The following AGO2 variants were observed in gnomAD, a reference collection of about 807,000 sequenced individuals.
AGO2 encodes the protein argonaute RISC catalytic component 2, also known as protein argonaute-2.
A neutral mutation model predicts 102.3 loss-of-function variants in AGO2; 5 were observed. The ratio of observed to expected loss-of-function variants is 0.05; its 90% CI spans 0.03 to 0.10. AGO2 has a LOEUF of 0.10. Ranked by LOEUF, AGO2 falls within the 10% of genes least tolerant of loss-of-function variation. The probability of loss-of-function intolerance (pLI) is 1.00; values close to 1 mark genes in which losing one functional copy is unlikely to be tolerated. For missense variants in AGO2, 541 were observed against 1,183.7 expected, an observed-to-expected ratio of 0.46 and a Z score of 7.97; for synonymous variants, 449 against 473.1, an observed-to-expected ratio of 0.95 and a Z score of 0.66.
intron 1 of AGO2, among the ~76,000 whole-genome samples, chr8:140,632,799 G>C (rs2074357843): frequency 6.6e-6 from 1 of 152,160 alleles, no homozygotes; most frequent in African/African-American, 2.4e-5. Context: ...GCATTTGTTT[G>C]TGATTGGTAT....
chr8:140,613,073 G>T (rs1304244178), intron 1 of AGO2, among the ~76,000 whole-genome samples: 3 of 151,876 alleles, frequency 2.0e-5, no homozygotes, highest in Admixed American at 2.0e-4. Context: ...GGTGGCAGAC[G>T]CCCGTAGTCC....
At chr8:140,609,646 C>A (rs2074050365) in intron 1 of AGO2, among the ~76,000 whole-genome samples, 1 of 152,228 alleles carries the variant, frequency 6.6e-6, no homozygotes, top group South Asian at 2.1e-4. Context: ...CCCATCCCCC[C>A]AGTCATAAGC....
chr8:140,610,762 T>C (rs888061494), intron 1 of AGO2, among the ~76,000 whole-genome samples: 1 of 152,144 alleles, frequency 6.6e-6, no homozygotes, highest in Non-Finnish European at 1.5e-5. Context: ...GTCCTGCCCA[T>C]GGCCAACCCC....
In AGO2 at chr8:140,529,352, T is replaced by C. The variant is rs2072553556; in HGVS notation, c.*2692A>G. On this transcript the variant is annotated 3_prime_UTR_variant, in exon 19 of 19. Transcript: ENST00000220592. ...ACTGTCTCAAAATTTATCCTAATAATGCAGGGATTGGTAAAAATTTGAGAA... is the reference window on the plus strand; with the variant it reads ...ACTGTCTCAAAATTTATCCTAATAACGCAGGGATTGGTAAAAATTTGAGAA... 1 of 152,176 alleles carries C rather than the reference T, an allele frequency of 6.6e-6. No individual in the cohort carries two copies. Among genetic ancestry groups the C allele is most frequent in the Non-Finnish European group, 1.5e-5 (1 of 68,036 alleles). 9.4% of individuals were successfully genotyped at this position (152,176 alleles called of 1,614,324 possible).
chr8:140,571,476 C>T (rs897628999), intron 3 of AGO2, among the ~76,000 whole-genome samples: 10 of 152,214 alleles, frequency 6.6e-5, no homozygotes, highest in East Asian at 1.9e-4. Context: ...CCAGCCTGGG[C>T]GACAGAGCCA....
At chr8:140,577,677 A>G (rs966464001) in intron 2 of AGO2, among the ~76,000 whole-genome samples, 3 of 152,182 alleles carry the variant, frequency 2.0e-5, no homozygotes, top group African/African-American at 4.8e-5. Context: ...GAGCCCAGAA[A>G]CAGGCCCAGG....
chr8:140,566,623 G>C (rs867540919), intron 3 of AGO2, among the ~76,000 whole-genome samples: 28 of 150,878 alleles, frequency 1.9e-4, no homozygotes, highest in Middle Eastern at 3.4e-3. Context: ...TTTTTTGGGG[G>C]GGGGGAAGGT....
chr8:140,541,038 CA>C lies in AGO2; in HGVS notation c.2034+125del, dbSNP rs745934908. ...CCTGGACCCCCTTCCATGGTGTGAC[CA>C]GATCAGCCTTGGGGCCGAATGAGAG... is the stretch of plus-strand genomic sequence containing the variant. On this transcript the variant is annotated intron_variant, in intron 15 of 18. Transcript: ENST00000220592. 5.8e-4 allele frequency: 673 copies of C among 1,155,530 alleles called. 1 individual carries two copies. Among genetic ancestry groups the C allele is most frequent in the Non-Finnish European group, 7.5e-4 (624 of 831,284 alleles). The allele number at this position is 1,155,530 out of a possible 1,614,324, so 71.6% of individuals were successfully genotyped here.
chr8:140,580,525 A>G (rs1255856642), intron 2 of AGO2, among the ~76,000 whole-genome samples: 1 of 152,114 alleles, frequency 6.6e-6, no homozygotes, highest in Non-Finnish European at 1.5e-5. Flanking sequence ...TCAGGGCCCC[A>G]CCTTCGTCTC....
intron 1 of AGO2, among the ~76,000 whole-genome samples, chr8:140,621,460 C>G (rs143213220): frequency 5.9e-5 from 9 of 152,300 alleles, no homozygotes; most frequent in African/African-American, 1.9e-4. Flanking sequence ...CACCATTGTC[C>G]CCAGTCACGG....
At chr8:140,612,883 T>C (rs1290705337) in intron 1 of AGO2, among the ~76,000 whole-genome samples, 1 of 152,116 alleles carries the variant, frequency 6.6e-6, no homozygotes, top group Non-Finnish European at 1.5e-5. Flanking sequence ...GGCCAGATTT[T>C]TTTTTTTATA....
chr8:140,575,278 A>T (rs1471161355), intron 2 of AGO2, among the ~76,000 whole-genome samples: 1 of 147,952 alleles, frequency 6.8e-6, no homozygotes, highest in Non-Finnish European at 1.5e-5. Flanking sequence ...CTCACCTGGC[A>T]CCTCCCTGGC....
At position 140,539,034 on chromosome 8, in the gene AGO2, T is replaced by C. The variant is rs560874562; in HGVS notation, c.2169+286A>G. Among the ~76,000 whole-genome samples, 1 of 152,152 alleles carries C rather than the reference T, an allele frequency of 6.6e-6. No individual in the cohort carries two copies. The highest frequency in any genetic ancestry group is 1.5e-5 in the Non-Finnish European group (1 of 68,026). On this transcript the variant is annotated intron_variant, in intron 16 of 18. Transcript: ENST00000220592. This position sits in a 1 kb window ranked among gnomAD's most constrained non-coding sequence, Gnocchi z 4.7. ...GGGAAGATCACTTGAGCCCAGGAGA[T>C]AGAGGCTGCAGTAAGCTATGATCGC... is the stretch of plus-strand genomic sequence containing the variant.
intron 3 of AGO2, among the ~76,000 whole-genome samples, chr8:140,568,446 G>C (rs2073326535): frequency 6.6e-6 from 1 of 152,166 alleles, no homozygotes; most frequent in Non-Finnish European, 1.5e-5. Context: ...AGGAGGGAGC[G>C]AGGGAGGCAC....
intron 15 of AGO2, 34 bp downstream of exon 15, chr8:140,541,130 G>A (rs571785909): frequency 6.6e-7 from 1 of 1,511,096 alleles, no homozygotes; most frequent in Non-Finnish European, 8.9e-7. Flanking sequence ...ACAGACCCCA[G>A]AGAAGGGGAG....
At position 140,551,330 on chromosome 8, in the gene AGO2, T is replaced by TG. The variant is rs1391347693; in HGVS notation, c.1375dup (p.Gln459ProfsTer215). 1.3e-6 allele frequency: 2 copies of TG among 1,577,400 alleles called. No homozygotes were observed. Among genetic ancestry groups the TG allele is most frequent in the East Asian group, 2.3e-5 (1 of 43,380 alleles). ...CAGATGGACTTCCGTGCACTGGCGC[T>TG]GGGGGGCGAAGCACGCAATGGCCCA... On this transcript the variant is annotated frameshift_variant, in exon 11 of 19. Transcript: ENST00000220592. LOFTEE classifies it high-confidence loss of function.
At chr8:140,545,128 C>CCGCA (rs2072876538) in intron 13 of AGO2, among the ~76,000 whole-genome samples, 2 of 152,072 alleles carry the variant, frequency 1.3e-5, no homozygotes, top group Non-Finnish European at 2.9e-5. Flanking sequence ...ATCCATTTCC[C>CCGCA]TGCATGCCTG....
chr8:140,583,510 C>A (rs2073591766), intron 2 of AGO2, among the ~76,000 whole-genome samples: 1 of 152,182 alleles, frequency 6.6e-6, no homozygotes, highest in Non-Finnish European at 1.5e-5. Flanking sequence ...ACCTAGGCCA[C>A]AAACCTGTAC....
At chr8:140,596,929 C>T (rs1242400786) in intron 1 of AGO2, among the ~76,000 whole-genome samples, 1 of 152,212 alleles carries the variant, frequency 6.6e-6, no homozygotes, top group Non-Finnish European at 1.5e-5. Flanking sequence ...CCCACCAGCC[C>T]AGGGGGACCT....
Sources: allele counts gnomAD v4.1 joint callset (sites outside exome capture counted in the v4.1 genomes callset), GRCh38; gene constraint gnomAD v4.1.1; non-coding constraint Gnocchi (gnomAD v3.1); transcripts MANE v1.5; gene names NCBI Gene and HGNC (gene_info 2026-07-23, HGNC 2026-07-21).